The following ALCAM variants were observed in gnomAD, a reference collection of about 807,000 sequenced individuals.
The protein encoded by ALCAM is CD166 antigen.
Under a neutral mutation model 70.9 loss-of-function variants are expected in ALCAM, and 30 were observed. The observed-to-expected ratio is 0.42, with a 90% CI of 0.32 to 0.57. The LOEUF (loss-of-function observed/expected upper bound fraction) is 0.57. ALCAM is among the 20% of genes least tolerant of loss of function. The probability of loss-of-function intolerance (pLI) is 0.11; values close to 1 mark genes in which losing one functional copy is unlikely to be tolerated. For missense variants in ALCAM, 591 were observed against 695.1 expected, an observed-to-expected ratio of 0.85 and a Z score of 1.68; for synonymous variants, 249 against 242.5, an observed-to-expected ratio of 1.03 and a Z score of -0.25.
intron 1 of ALCAM, among the ~76,000 whole-genome samples, chr3:105,419,046 A>G (rs1282604946): frequency 6.6e-6 from 1 of 151,760 alleles, no homozygotes; most frequent in Admixed American, 6.6e-5. Flanking sequence ...ATACAACTGC[A>G]TCTATGGGGT....
intron 13 of ALCAM, 62 bp from the exon 14 acceptor site, chr3:105,552,406 T>A: frequency 4.0e-6 from 6 of 1,517,776 alleles, no homozygotes; most frequent in Non-Finnish European, 5.5e-6. Context: ...AATAGCTAGA[T>A]TGACTTTCTG....
chr3:105,518,223 G>A (rs1939432819), intron 1 of ALCAM, among the ~76,000 whole-genome samples: 1 of 152,100 alleles, frequency 6.6e-6, no homozygotes, highest in Admixed American at 6.6e-5. Context: ...GTTGCCAAAG[G>A]AAGGTATGAT....
chr3:105,389,147 A>G (rs1243980335), intron 1 of ALCAM, among the ~76,000 whole-genome samples: 1 of 151,572 alleles, frequency 6.6e-6, no homozygotes, highest in Non-Finnish European at 1.5e-5. Context: ...GGTATGGTGT[A>G]CTAAATATGA....
At chr3:105,419,747 A>C (rs1051307794) in intron 1 of ALCAM, among the ~76,000 whole-genome samples, 19 of 151,862 alleles carry the variant, frequency 1.3e-4, no homozygotes, top group African/African-American at 4.3e-4. Flanking sequence ...GCTTATCTGA[A>C]ACTTAACAGT....
At chr3:105,555,804 T>C (rs1456554727) in intron 14 of ALCAM, among the ~76,000 whole-genome samples, 3 of 151,946 alleles carry the variant, frequency 2.0e-5, no homozygotes, top group South Asian at 4.1e-4. Flanking sequence ...TCTTTTCCCA[T>C]TGTGAAATGA....
At chr3:105,460,617 C>T (rs1576178237) in intron 1 of ALCAM, among the ~76,000 whole-genome samples, 1 of 151,914 alleles carries the variant, frequency 6.6e-6, no homozygotes, top group South Asian at 2.1e-4. Flanking sequence ...GGTACACTTT[C>T]TTCAAGTGAA....
At chr3:105,502,242 T>C (rs190072092) in intron 1 of ALCAM, among the ~76,000 whole-genome samples, 10 of 152,342 alleles carry the variant, frequency 6.6e-5, no homozygotes, top group African/African-American at 1.9e-4. Flanking sequence ...GAGGTTAAGA[T>C]GAAACAAGAA....
intron 1 of ALCAM, among the ~76,000 whole-genome samples, chr3:105,407,504 T>C (rs1457904131): frequency 1.3e-5 from 2 of 152,128 alleles, no homozygotes; most frequent in African/African-American, 4.8e-5. Context: ...GAAAAGGCAT[T>C]TGACAAAATT....
At chr3:105,387,234 T>TCA (rs141314471) in intron 1 of ALCAM, among the ~76,000 whole-genome samples, 4,202 of 148,642 alleles carry the variant, frequency 0.028, 61 homozygotes, top group African/African-American at 0.031. Flanking sequence ...CTTCCCACCC[T>TCA]CACACACACA....
At position 105,391,743 on chromosome 3, in the gene ALCAM, T is replaced by C. The variant is rs190060866; in HGVS notation, c.73+24262T>C. 5.9e-5 allele frequency among the ~76,000 whole-genome samples: 9 copies of C among 152,224 alleles called. No homozygotes were observed. In the East Asian group the frequency reaches 1.7e-3, roughly 29 times the overall value. Reference sequence around the variant, plus strand: ...ATGGGTTTGTGATAAATGGCTCTTATTATTTTGAAGTATGTTCCTTCAATA... The same window carrying C: ...ATGGGTTTGTGATAAATGGCTCTTACTATTTTGAAGTATGTTCCTTCAATA... On this transcript the variant is annotated intron_variant, in intron 1 of 15. Transcript: ENST00000306107.
chr3:105,554,639 A>G (rs533078451), intron 14 of ALCAM, among the ~76,000 whole-genome samples: 1 of 152,066 alleles, frequency 6.6e-6, no homozygotes, highest in East Asian at 1.9e-4. Context: ...TAAACACTTC[A>G]CATGGGTTTG....
rs1559766602 is a variant in ALCAM at position 105,367,442 on chromosome 3, C to CTCT, written c.38_40dup (p.Phe13dup). ...CAAGGGGGCCAGTTCCTGCCGTCTG[C>CTCT]TCTTCTGCCTCTTGATCTCCGCCAC... On this transcript the variant is annotated inframe_insertion, in exon 1 of 16. Coordinates refer to ENST00000306107, the MANE Select transcript of ALCAM (RefSeq NM_001627.4). The CTCT allele has an allele frequency of 6.2e-7, 1 of 1,614,008 alleles. No individual in the cohort carries two copies. Among genetic ancestry groups the CTCT allele is most frequent in the Admixed American group, 1.7e-5 (1 of 60,018 alleles).
intron 14 of ALCAM, among the ~76,000 whole-genome samples, chr3:105,566,754 TA>T (rs1247015621): frequency 3.9e-5 from 6 of 152,152 alleles, no homozygotes; most frequent in Admixed American, 3.9e-4. Context: ...CTGCATATAT[TA>T]TAAAGATCAA....
At chr3:105,525,973 T>C (rs1939696385) in intron 3 of ALCAM, among the ~76,000 whole-genome samples, 1 of 152,232 alleles carries the variant, frequency 6.6e-6, no homozygotes, top group South Asian at 2.1e-4. Context: ...TCTTTTCTTC[T>C]ATTTCACTTT....
At chr3:105,432,251 T>C (rs1463275553) in intron 1 of ALCAM, among the ~76,000 whole-genome samples, 1 of 152,192 alleles carries the variant, frequency 6.6e-6, no homozygotes, top group Non-Finnish European at 1.5e-5. Flanking sequence ...TTCATGCATA[T>C]CAAATCCTAT....
In ALCAM at chr3:105,509,659, C is replaced by A. The variant is rs140256377; in HGVS notation, c.74-10408C>A. Among the ~76,000 whole-genome samples the A allele has an allele frequency of 2.6e-3, 389 of 151,972 alleles. 1 individual carries two copies. The highest frequency in any genetic ancestry group is 9.0e-3 in the African/African-American group (374 of 41,464). On this transcript the variant is annotated intron_variant, in intron 1 of 15. Coordinates refer to ENST00000306107, the MANE Select transcript of ALCAM (RefSeq NM_001627.4). ...GGTATATGGTTTGCAAATATTTTCT[C>A]CCTATTCATAGGCTGACTTTTTATT...
At chr3:105,477,319 C>T in intron 1 of ALCAM, among the ~76,000 whole-genome samples, 1 of 152,030 alleles carries the variant, frequency 6.6e-6, no homozygotes, top group Middle Eastern at 3.2e-3. Flanking sequence ...CTAACTTTAG[C>T]ATTTCTAGTA....
chr3:105,469,188 C>T (rs1001413524), intron 1 of ALCAM, among the ~76,000 whole-genome samples: 2 of 151,190 alleles, frequency 1.3e-5, no homozygotes, highest in African/African-American at 4.8e-5. Context: ...GTTGTTGATA[C>T]TTGTCTGTTT....
rs528054584 is a variant in ALCAM, at chr3:105,385,379, G to C, written c.73+17898G>C. Among the ~76,000 whole-genome samples, 194 of 151,598 alleles carry C rather than the reference G, an allele frequency of 1.3e-3. 4 individuals are homozygous for C. Among genetic ancestry groups the C allele is most frequent in the Non-Finnish European group, 1.0e-3 (70 of 67,666 alleles). ...CTTGTACTGATGAGAAAGGGGAGAG[G>C]AATGAGTGGACCTCTCTTCAGAGAG... On this transcript the variant is annotated intron_variant, in intron 1 of 15. Coordinates refer to ENST00000306107, the MANE Select transcript of ALCAM (RefSeq NM_001627.4).
Sources: gnomAD v4.1 joint callset for allele counts (sites outside exome capture counted in the v4.1 genomes callset) on GRCh38, gnomAD v4.1.1 for gene constraint, MANE v1.5 for transcripts, NCBI Gene and HGNC (gene_info 2026-07-23, HGNC 2026-07-21) for gene names.